The following XKR9 variants were observed in gnomAD, a reference collection of about 807,000 sequenced individuals.
XKR9 encodes XK-related protein 9.
Under a neutral mutation model 32.0 loss-of-function variants are expected in XKR9, and 32 were observed. That is an observed-to-expected ratio of 1.00 (90% CI 0.76 to 1.34). XKR9 has a LOEUF of 1.34. XKR9 is among the 40% of genes most tolerant of loss of function. The pLI, the probability that XKR9 is intolerant of heterozygous loss-of-function variation, is 0.00. For missense variants in XKR9, 546 were observed against 429.7 expected (o/e 1.27, Z -2.39); for synonymous variants, 168 against 143.4 (o/e 1.17, Z -1.22).
the XKR9 span, among the ~76,000 whole-genome samples, chr8:70,876,994 A>T: frequency 6.6e-6 from 1 of 152,168 alleles, no homozygotes; most frequent in African/African-American, 2.4e-5. Context: ...CTGTTCTCAT[A>T]CTGCCAGGAA....
At position 70,734,036 on chromosome 8, in the gene XKR9, G is replaced by T; in HGVS notation, c.734G>T (p.Trp245Leu). The T allele has an allele frequency of 6.2e-7, 1 of 1,613,240 alleles. No homozygotes were observed. The highest frequency in any genetic ancestry group is 8.5e-7 in the Non-Finnish European group (1 of 1,179,642). ...TTTCTTTGGTTGTTAGGTATAATAT[G>T]GGCATTTAAAAACAACACCCAGTTT... ...LLFLWLLGII[W>L]AFKNNTQFCT... Residue 245 changes from tryptophan (W) to leucine (L), a missense_variant, in exon 5 of 5, where the codon TGG (tryptophan) becomes TTG (leucine). Trp to Leu is a moderately conservative substitution (Grantham distance 61). Coordinates refer to ENST00000408926, the MANE Select transcript of XKR9 (RefSeq NM_001011720.2).
At chr8:71,019,643 T>G in the XKR9 span, among the ~76,000 whole-genome samples, 1 of 152,216 alleles carries the variant, frequency 6.6e-6, no homozygotes, top group African/African-American at 2.4e-5. Context: ...TGATTAACTT[T>G]TAGATTAAGC....
chr8:70,910,908 A>G, the XKR9 span, among the ~76,000 whole-genome samples: 1 of 152,352 alleles, frequency 6.6e-6, no homozygotes, highest in Middle Eastern at 3.4e-3. Context: ...AGCTTCTAGA[A>G]GCTACATATT....
chr8:70,761,601 C>T (rs1313338396), intron 2 of XKR9, among the ~76,000 whole-genome samples: 1 of 151,872 alleles, frequency 6.6e-6, no homozygotes, highest in East Asian at 1.9e-4. Flanking sequence ...GATATTAGAC[C>T]TTTGTCAGAT....
intron 2 of XKR9, among the ~76,000 whole-genome samples, chr8:70,785,733 CTCTCTCTA>C (rs1471809280): frequency 1.2e-3 from 134 of 112,160 alleles, no homozygotes; most frequent in African/African-American, 3.7e-3. Flanking sequence ...CTCTCTCTCT[CTCTCTCTA>C]TATATATATA....
the XKR9 span, among the ~76,000 whole-genome samples, chr8:70,959,636 A>T: frequency 6.6e-6 from 1 of 152,196 alleles, no homozygotes; most frequent in African/African-American, 2.4e-5. Flanking sequence ...GTATGTTCTG[A>T]GTATCCTCTA....
the XKR9 span, among the ~76,000 whole-genome samples, chr8:71,059,480 C>A: frequency 6.6e-6 from 1 of 152,150 alleles, no homozygotes; most frequent in African/African-American, 2.4e-5. Flanking sequence ...CAAAGTGATT[C>A]GTCCTGCCAA....
intron 3 of XKR9, among the ~76,000 whole-genome samples, chr8:70,689,486 T>A (rs34972504): frequency 0.33 from 48,677 of 147,922 alleles, 9,106 homozygotes; most frequent in Middle Eastern, 0.44. Flanking sequence ...TATGTATTTT[T>A]TATATATATG....
At chr8:70,769,494 AT>A (rs1477019790) in intron 2 of XKR9, among the ~76,000 whole-genome samples, 2 of 151,952 alleles carry the variant, frequency 1.3e-5, no homozygotes, top group Non-Finnish European at 2.9e-5. Context: ...GGCTTGCTAG[AT>A]TGGGGAAGTT....
chr8:70,805,106 T>C, the XKR9 span, among the ~76,000 whole-genome samples: 1 of 152,240 alleles, frequency 6.6e-6, no homozygotes, highest in East Asian at 1.9e-4. Flanking sequence ...CAGAACTGAC[T>C]AGGAGGCTGG....
chr8:71,003,921 G>C, the XKR9 span, among the ~76,000 whole-genome samples: 36 of 152,322 alleles, frequency 2.4e-4, no homozygotes, highest in African/African-American at 8.2e-4. Flanking sequence ...AACTCAGAGA[G>C]AGCATGAGCT....
the XKR9 span, among the ~76,000 whole-genome samples, chr8:70,833,221 A>C: frequency 1.3e-5 from 2 of 152,182 alleles, no homozygotes; most frequent in South Asian, 2.1e-4. Flanking sequence ...TTAGTATTTA[A>C]CCAACTTGAG....
the XKR9 span, among the ~76,000 whole-genome samples, chr8:70,913,376 T>C: frequency 6.6e-6 from 1 of 152,224 alleles, no homozygotes; most frequent in Non-Finnish European, 1.5e-5. Flanking sequence ...GAAACTGCAA[T>C]TGAGAATTAT....
intron 2 of XKR9, among the ~76,000 whole-genome samples, chr8:70,778,785 T>C (rs1774317706): frequency 6.6e-6 from 1 of 152,218 alleles, no homozygotes; most frequent in South Asian, 2.1e-4. Flanking sequence ...TTGTGATTTT[T>C]GCACATTGAT....
intron 2 of XKR9, among the ~76,000 whole-genome samples, chr8:70,676,303 CCAACATGGGGGATTACAATT>C: frequency 6.6e-6 from 1 of 152,314 alleles, no homozygotes; most frequent in Admixed American, 6.5e-5. Flanking sequence ...GGCCCCACCT[CCAACATGGGGGATTACAATT>C]CAACATGAGA....
At chr8:70,828,595 G>A in the XKR9 span, among the ~76,000 whole-genome samples, 2 of 152,126 alleles carry the variant, frequency 1.3e-5, no homozygotes, top group Non-Finnish European at 2.9e-5. Context: ...GCAGTGGCAC[G>A]CACCTGTAAT....
chr8:71,062,589 C>T, the XKR9 span, among the ~76,000 whole-genome samples: 1 of 152,280 alleles, frequency 6.6e-6, no homozygotes, highest in Non-Finnish European at 1.5e-5. Context: ...ATTTGAGCCT[C>T]TGGGTTAATA....
chr8:70,768,092 C>G (rs755653957), intron 2 of XKR9, among the ~76,000 whole-genome samples: 22 of 152,262 alleles, frequency 1.4e-4, no homozygotes, highest in Middle Eastern at 3.4e-3. Context: ...ACTGCTTTAG[C>G]TGTGTCCCAG....
chr8:70,788,643 C>T (rs1363743097), intron 2 of XKR9, among the ~76,000 whole-genome samples: 7 of 151,970 alleles, frequency 4.6e-5, no homozygotes, highest in Admixed American at 4.6e-4. Context: ...AGTTAGATAT[C>T]TATGATTTAT....
Sources: gnomAD v4.1 joint callset for allele counts (sites outside exome capture counted in the v4.1 genomes callset) on GRCh38, gnomAD v4.1.1 for gene constraint, MANE v1.5 for transcripts, NCBI Gene and HGNC (gene_info 2026-07-23, HGNC 2026-07-21) for gene names.